The following SHC4 variants were observed in gnomAD, a reference collection of about 807,000 sequenced individuals.
SHC4 encodes the protein SHC-transforming protein 4.
Under a neutral mutation model 69.4 loss-of-function variants are expected in SHC4, and 41 were observed. That is an observed-to-expected ratio of 0.59 (90% CI 0.46 to 0.77). The LOEUF (loss-of-function observed/expected upper bound fraction) is 0.77, where lower values mean the gene tolerates loss of function less well. Ranked by LOEUF, SHC4 falls within the 30% of genes least tolerant of loss-of-function variation. The pLI is 0.00. For missense variants in SHC4, 777 were observed against 783.8 expected, an observed-to-expected ratio of 0.99 and a Z score of 0.10; for synonymous variants, 318 against 299.3, an observed-to-expected ratio of 1.06 and a Z score of -0.64.
chr15:48,912,495 TG>T (rs1900526640), intron 2 of SHC4, among the ~76,000 whole-genome samples: 1 of 152,228 alleles, frequency 6.6e-6, no homozygotes, highest in African/African-American at 2.4e-5. Context: ...CTTCACTTCT[TG>T]TGTCATTTTC....
At chr15:48,867,990 A>C (rs1426725722) in intron 5 of SHC4, 121 bp from the exon 6 acceptor site, 3 of 750,458 alleles carry the variant, frequency 4.0e-6, no homozygotes, top group Non-Finnish European at 6.6e-6. Context: ...ATTTAAAGAG[A>C]CAAGAAAAGC....
intron 2 of SHC4, among the ~76,000 whole-genome samples, chr15:48,897,901 C>T (rs1006592515): frequency 1.3e-5 from 2 of 152,172 alleles, no homozygotes; most frequent in African/African-American, 4.8e-5. Flanking sequence ...CAACGATACT[C>T]AGCCAAAACA....
intron 2 of SHC4, among the ~76,000 whole-genome samples, chr15:48,914,208 C>T (rs1455954878): frequency 6.6e-6 from 1 of 152,228 alleles, no homozygotes; most frequent in African/African-American, 2.4e-5. Flanking sequence ...GATTGTCTCC[C>T]ACATTAGTTC....
chr15:48,873,076 C>A (rs1899718273), intron 4 of SHC4, among the ~76,000 whole-genome samples: 1 of 151,748 alleles, frequency 6.6e-6, no homozygotes, highest in Non-Finnish European at 1.5e-5. Context: ...CTGCCCTGTT[C>A]ATAACAGCCC....
rs1276408585 is a variant in SHC4, at chr15:48,963,212, T to C, written c.-197A>G. On this transcript the variant is annotated 5_prime_UTR_variant, in exon 1 of 12. Coordinates refer to ENST00000332408, the MANE Select transcript of SHC4 (RefSeq NM_203349.4). The stretch of plus-strand genomic sequence containing the variant: ...CCCATGGGGGAAACGCCTCCCCTGC[T>C]CTGATTTCAGTCTCTCCCTGGCCCA... 11 of 579,164 alleles carry C rather than the reference T, an allele frequency of 1.9e-5. No individual in the cohort carries two copies. Among genetic ancestry groups the C allele is most frequent in the South Asian group, 1.9e-4 (8 of 42,922 alleles). The allele number at this position is 579,164 out of a possible 1,614,324, so 35.9% of individuals were successfully genotyped here.
In SHC4 at chr15:48,856,010, A is replaced by G; in HGVS notation, c.1185T>C (p.Val395=). 6.2e-7 allele frequency: 1 copy of G among 1,613,922 alleles called. No individual in the cohort carries two copies. Among genetic ancestry groups the G allele is most frequent in the Non-Finnish European group, 8.5e-7 (1 of 1,179,854 alleles). The part of the protein sequence containing the change: ...VGGVSDMRIK[V]QATEQMAYCP... ...AGTAAGCCATTTGTTCCGTGGCTTG[A>G]ACTTTGATCCGCATATCTGAAACAC... The change falls in exon 8 of 12, where the codon GTT becomes GTC. Residue 395 remains valine (V), a synonymous_variant. Coordinates refer to ENST00000332408, the MANE Select transcript of SHC4 (RefSeq NM_203349.4).
At chr15:48,880,739 T>C (rs920489776) in intron 4 of SHC4, among the ~76,000 whole-genome samples, 1 of 152,100 alleles carries the variant, frequency 6.6e-6, no homozygotes, top group Non-Finnish European at 1.5e-5. Context: ...AAATTGTAAA[T>C]ACTTACTTGT....
intron 2 of SHC4, among the ~76,000 whole-genome samples, chr15:48,891,217 G>T (rs940840864): frequency 2.0e-5 from 3 of 151,944 alleles, no homozygotes; most frequent in Admixed American, 2.0e-4. Flanking sequence ...TAGTATCTCA[G>T]AACTAAAGAC....
chr15:48,925,628 G>A (rs1033198280), intron 1 of SHC4, among the ~76,000 whole-genome samples: 2 of 152,168 alleles, frequency 1.3e-5, no homozygotes, highest in Admixed American at 6.5e-5. Flanking sequence ...TGGTTAGCTC[G>A]AACACCATGT....
chr15:48,939,684 C>G (rs1012948132), intron 1 of SHC4, among the ~76,000 whole-genome samples: 1 of 152,160 alleles, frequency 6.6e-6, no homozygotes, highest in Admixed American at 6.5e-5. Flanking sequence ...AGATGTGACG[C>G]CAATTTCTTC....
intron 11 of SHC4, among the ~76,000 whole-genome samples, chr15:48,828,217 T>C (rs898050918): frequency 1.3e-5 from 2 of 152,092 alleles, no homozygotes; most frequent in African/African-American, 2.4e-5. Flanking sequence ...AACTGTTAAG[T>C]ACAACGTTAT....
At chr15:48,916,273 TCACACACACACACACACA>T (rs71120648) in intron 2 of SHC4, among the ~76,000 whole-genome samples, 37 of 142,544 alleles carry the variant, frequency 2.6e-4, no homozygotes, top group African/African-American at 6.8e-4. Flanking sequence ...TGATGGTTGC[TCACACACACACACACACA>T]CACACACACA....
intron 6 of SHC4, among the ~76,000 whole-genome samples, chr15:48,859,454 C>T (rs1224388370): frequency 6.6e-6 from 1 of 152,048 alleles, no homozygotes; most frequent in Non-Finnish European, 1.5e-5. Flanking sequence ...GACTTAGGAG[C>T]TAATTCCGGT....
chr15:48,927,809 C>T (rs1900882611), intron 1 of SHC4, among the ~76,000 whole-genome samples: 1 of 152,204 alleles, frequency 6.6e-6, no homozygotes, highest in South Asian at 2.1e-4. Flanking sequence ...AAATGACACA[C>T]CTCAGAGGCC....
chr15:48,949,333 T>C, intron 1 of SHC4, among the ~76,000 whole-genome samples: 1 of 147,556 alleles, frequency 6.8e-6, no homozygotes, highest in East Asian at 2.0e-4. Flanking sequence ...ATCATGCCAC[T>C]GCACTCCAGC....
intron 4 of SHC4, chr15:48,877,637 CT>C: frequency 2.5e-6 from 2 of 800,636 alleles, no homozygotes; most frequent in Non-Finnish European, 3.0e-6. Context: ...TTCACTATAA[CT>C]AAAAAAAAAA....
chr15:48,948,087 C>G (rs867890481), intron 1 of SHC4: 38 of 152,246 alleles, frequency 2.5e-4, no homozygotes, highest in African/African-American at 8.9e-4. Flanking sequence ...GGATAGGATT[C>G]TGCATGGGCA....
chr15:48,841,478 T>C (rs1898987226), intron 10 of SHC4, among the ~76,000 whole-genome samples: 1 of 152,166 alleles, frequency 6.6e-6, no homozygotes, highest in African/African-American at 2.4e-5. Flanking sequence ...GTGTCAGCAG[T>C]CAGCCTGCAG....
intron 8 of SHC4, among the ~76,000 whole-genome samples, chr15:48,854,745 C>T (rs904598439): frequency 2.0e-5 from 3 of 152,126 alleles, no homozygotes; most frequent in African/African-American, 7.2e-5. Flanking sequence ...CATGTTCTCA[C>T]TTATAAGTAG....
Sources: allele counts gnomAD v4.1 joint callset (sites outside exome capture counted in the v4.1 genomes callset), GRCh38; gene constraint gnomAD v4.1.1; transcripts MANE v1.5; gene names NCBI Gene and HGNC (gene_info 2026-07-23, HGNC 2026-07-21).